Variants in VCAN observed in about 807,000 individuals in gnomAD.
VCAN encodes the protein versican.
VCAN carries 44 observed loss-of-function variants against 245.5 expected under a neutral mutation model. The observed-to-expected ratio is 0.18, with a 90% CI of 0.14 to 0.23. The LOEUF (loss-of-function observed/expected upper bound fraction) is 0.23. Among genes scored for constraint, VCAN ranks in the 10% least tolerant of loss-of-function variants. The pLI is 1.00. For missense variants in VCAN, 3,793 were observed against 4,057.9 expected, an observed-to-expected ratio of 0.93 and a Z score of 1.77; for synonymous variants, 1,413 against 1,437.0, an observed-to-expected ratio of 0.98 and a Z score of 0.38.
At chr5:83,552,565 C>T (rs557238584) in intron 10 of VCAN, among the ~76,000 whole-genome samples, 1 of 152,114 alleles carries the variant, frequency 6.6e-6, no homozygotes, top group African/African-American at 2.4e-5. Flanking sequence ...CTGATACTGC[C>T]AGTGTAAAAT....
rs539798172 is a variant in VCAN at position 83,493,873 on chromosome 5, T to C, written c.690T>C (p.Tyr230=). The C allele has an allele frequency of 2.2e-5, 36 of 1,614,178 alleles. No individual in the cohort carries two copies. The East Asian group carries it at 4.2e-4, about 19-fold the overall frequency. The change falls in exon 5 of 15, where the codon TAT becomes TAC. Residue 230 remains tyrosine (Y), a synonymous_variant. Coordinates refer to ENST00000265077, the MANE Select transcript of VCAN (RefSeq NM_004385.5). ...DKMGKAGVRT[Y]GFRSPQETYD... ...TGGGAAAGGCAGGAGTCAGGACTTA[T>C]GGATTCCGTTCTCCCCAGGAAACTT...
At chr5:83,555,403 C>G (rs531541003) in intron 12 of VCAN, among the ~76,000 whole-genome samples, 2 of 152,154 alleles carry the variant, frequency 1.3e-5, no homozygotes, top group Non-Finnish European at 2.9e-5. Flanking sequence ...AAAAAAATAC[C>G]TTTCCGTCTT....
Position 83,522,247 on chromosome 5 carries a change from C to A in VCAN, c.3941C>A (p.Ala1314Glu). 8.1e-6 allele frequency: 13 copies of A among 1,600,354 alleles called. No individual in the cohort carries two copies. The highest frequency in any genetic ancestry group is 1.0e-5 in the Non-Finnish European group (12 of 1,179,796). The change falls in exon 7 of 15, where the codon GCA becomes GAA. Residue 1314 changes from alanine (A) to glutamate (E), a missense_variant. Ala to Glu is a moderately radical substitution (Grantham distance 107). Coordinates refer to ENST00000265077, the MANE Select transcript of VCAN (RefSeq NM_004385.5). ...PQALSTPQPP[A>E]STKFHPDINV... Reference sequence around the variant, plus strand: ...GCGCTTTCTACGCCACAGCCCCCAGCAAGCACAAAATTTCACCCTGACATT... The same window carrying A: ...GCGCTTTCTACGCCACAGCCCCCAGAAAGCACAAAATTTCACCCTGACATT...
intron 5 of VCAN, among the ~76,000 whole-genome samples, chr5:83,510,682 A>G (rs923321101): frequency 2.0e-5 from 3 of 152,216 alleles, no homozygotes; most frequent in African/African-American, 7.2e-5. Flanking sequence ...GCAAACTGTT[A>G]TGTTAGTTAG....
intron 5 of VCAN, among the ~76,000 whole-genome samples, chr5:83,511,436 G>A (rs973807532): frequency 6.6e-6 from 1 of 152,012 alleles, no homozygotes; most frequent in Non-Finnish European, 1.5e-5. Flanking sequence ...CTACACACTG[G>A]GCCTGGTGCT....
chr5:83,490,366 C>T lies in VCAN; in HGVS notation c.339C>T (p.Ala113=). The change falls in exon 3 of 15, where the codon GCC becomes GCT. Residue 113 remains alanine (A), a synonymous_variant. Transcript: ENST00000265077. ...VPTHPEAVGD[A]SLTVVKLLAS... is the part of the protein sequence containing the mutation. The stretch of plus-strand genomic sequence containing the variant: ...CACATCCCGAGGCTGTGGGCGATGC[C>T]TCCCTCACTGTGGTCAAGCTGCTGG... 1 of 1,614,200 alleles carries T rather than the reference C, an allele frequency of 6.2e-7. No homozygotes were observed. The highest frequency in any genetic ancestry group is 8.5e-7 in the Non-Finnish European group (1 of 1,180,046).
chr5:83,505,207 A>G (rs561126221), intron 5 of VCAN, among the ~76,000 whole-genome samples: 5 of 152,262 alleles, frequency 3.3e-5, no homozygotes, highest in Non-Finnish European at 7.3e-5. Flanking sequence ...ACAGTTCCCC[A>G]AAGTCTTAAC....
At chr5:83,494,095 G>A (rs1745079532) in intron 5 of VCAN, among the ~76,000 whole-genome samples, 164 bp downstream of exon 5, 1 of 152,228 alleles carries the variant, frequency 6.6e-6, no homozygotes, top group Non-Finnish European at 1.5e-5. Flanking sequence ...CGAAATTAAA[G>A]TGGAAAGGCA....
intron 7 of VCAN, among the ~76,000 whole-genome samples, chr5:83,522,566 A>C (rs1746147818): frequency 1.3e-5 from 2 of 152,216 alleles, no homozygotes; most frequent in Admixed American, 1.3e-4. Flanking sequence ...CCAAATCATC[A>C]CTGTTACATC....
chr5:83,563,032 AG>A (rs1231258464), intron 12 of VCAN, among the ~76,000 whole-genome samples: 9 of 152,194 alleles, frequency 5.9e-5, no homozygotes, highest in Non-Finnish European at 7.3e-5. Context: ...AACAACTATC[AG>A]GAGACCCCAA....
intron 13 of VCAN, among the ~76,000 whole-genome samples, chr5:83,578,079 A>G (rs1333910920): frequency 6.6e-6 from 1 of 152,116 alleles, no homozygotes; most frequent in Admixed American, 6.6e-5. Flanking sequence ...GATACTTGCT[A>G]TTGTCTGGAC....
chr5:83,566,199 G>A (rs2112490338), intron 12 of VCAN, among the ~76,000 whole-genome samples: 1 of 152,064 alleles, frequency 6.6e-6, no homozygotes, highest in Admixed American at 6.6e-5. Flanking sequence ...GACCTCAGGT[G>A]ATCCAACTGC....
Position 83,537,583 on chromosome 5 carries a change from C to T in VCAN, c.4580C>T (p.Thr1527Ile), listed in dbSNP as rs758408994. 2 of 1,613,650 alleles carry T rather than the reference C, an allele frequency of 1.2e-6. No individual in the cohort carries two copies. Among genetic ancestry groups the T allele is most frequent in the African/African-American group, 1.3e-5 (1 of 74,896 alleles). Residue 1527 changes from threonine to isoleucine, a missense_variant, in exon 8 of 15, where the codon ACT becomes ATT. Around this residue, in one of 5 missense-constraint regions of VCAN, gnomAD observed 3,182 missense variants for 3,250.3 expected, o/e 0.98. Transcript: ENST00000265077. ...GCAGAATCAGTCACAGAGAGAGATA[C>T]TGAAGTTGGTCATCAGGCACATGAA... ...KGAESVTERD[T>I]EVGHQAHEHT...
rs1412879243 is a variant in VCAN, at chr5:83,521,458, C to T, written c.3152C>T (p.Ser1051Phe). 3 of 1,614,138 alleles carry T rather than the reference C, an allele frequency of 1.9e-6. No homozygotes were observed. The African/African-American group carries it at 4.0e-5, about 22-fold the overall frequency. ...TAEKPVPALS[S>F]TAWTPKEAVT... Reference sequence around the variant, plus strand: ...GAGAAACCAGTTCCTGCTCTCAGTTCTACAGCTTGGACTCCCAAGGAGGCA... The same window carrying T: ...GAGAAACCAGTTCCTGCTCTCAGTTTTACAGCTTGGACTCCCAAGGAGGCA... Residue 1051 changes from serine to phenylalanine, a missense_variant, in exon 7 of 15, where the codon TCT (serine) becomes TTT (phenylalanine). Coordinates refer to ENST00000265077, the MANE Select transcript of VCAN (RefSeq NM_004385.5).
intron 13 of VCAN, among the ~76,000 whole-genome samples, chr5:83,573,772 G>T (rs561795319): frequency 6.6e-6 from 1 of 152,208 alleles, no homozygotes; most frequent in East Asian, 1.9e-4. Flanking sequence ...GTGTGCACCA[G>T]CTTTATAACG....
chr5:83,510,037 T>C (rs939656844), intron 5 of VCAN, among the ~76,000 whole-genome samples: 4 of 152,218 alleles, frequency 2.6e-5, no homozygotes, highest in Non-Finnish European at 5.9e-5. Flanking sequence ...GTGACCCTTA[T>C]GCTTTTAAAA....
At chr5:83,536,833 CA>C in intron 7 of VCAN, 173 bp from the exon 8 acceptor site, 1 of 534,184 alleles carries the variant, frequency 1.9e-6, no homozygotes, top group Non-Finnish European at 3.2e-6. Context: ...ATTGTTAATA[CA>C]AAAACAGTAA....
rs1191516827 is a variant in VCAN, at chr5:83,524,448, G to A, written c.4003+2139G>A. Among the ~76,000 whole-genome samples, 3 of 152,106 alleles carry A rather than the reference G, an allele frequency of 2.0e-5. No individual in the cohort carries two copies. In the East Asian group the frequency reaches 5.8e-4, roughly 29 times the overall value. ...CATCAGGCAGAATTCTAATGTGAGA[G>A]TGTGTATATGTGTGTACAACAAGGG... On this transcript the variant is annotated intron_variant, in intron 7 of 14. Coordinates refer to ENST00000265077, the MANE Select transcript of VCAN (RefSeq NM_004385.5).
Position 83,474,763 on chromosome 5 carries a change from C to T in VCAN, c.-7+2740C>T, listed in dbSNP as rs565190056. Reference sequence around the variant, plus strand: ...AACCGAGAGAGCCGAGTGGCCTCGCCCCCAGGATTCGGGGCCGGCTGCTTC... The same window carrying T: ...AACCGAGAGAGCCGAGTGGCCTCGCTCCCAGGATTCGGGGCCGGCTGCTTC... On this transcript the variant is annotated intron_variant, in intron 1 of 14. Coordinates refer to ENST00000265077, the MANE Select transcript of VCAN (RefSeq NM_004385.5). 3.2e-3 allele frequency among the ~76,000 whole-genome samples: 480 copies of T among 152,342 alleles called. 2 individuals carry two copies. The highest frequency in any genetic ancestry group is 0.022 in the South Asian group (105 of 4,822).
Sources: gnomAD v4.1 joint callset for allele counts (sites outside exome capture counted in the v4.1 genomes callset) on GRCh38, gnomAD v4.1.1 for gene constraint, gnomAD v4.1.1 regional missense constraint, MANE v1.5 for transcripts, NCBI Gene and HGNC (gene_info 2026-07-23, HGNC 2026-07-21) for gene names.